Variants in XIRP2 observed in about 807,000 individuals in gnomAD.
XIRP2 encodes xin actin binding repeat containing 2.
A neutral mutation model predicts 277.0 loss-of-function variants in XIRP2; 236 were observed. The ratio of observed to expected loss-of-function variants is 0.85; its 90% CI spans 0.77 to 0.95. The LOEUF is 0.95. Ranked by LOEUF, XIRP2 falls within the 40% of genes least tolerant of loss-of-function variation. The pLI, the probability that XIRP2 is intolerant of heterozygous loss-of-function variation, is 0.00. For synonymous variants in XIRP2, 1,490 were observed against 1,416.5 expected, an observed-to-expected ratio of 1.05 and a Z score of -1.17; for missense variants, 4,640 against 4,157.5, an observed-to-expected ratio of 1.12 and a Z score of -3.19.
At chr2:167,073,976 TAAC>T (rs1372735540) in intron 2 of XIRP2, among the ~76,000 whole-genome samples, 2 of 152,182 alleles carry the variant, frequency 1.3e-5, no homozygotes, top group Non-Finnish European at 2.9e-5. Flanking sequence ...GCCATTTAGT[TAAC>T]AACATCATTC....
In XIRP2 at chr2:166,983,708, A is replaced by G. The variant is rs191532938; in HGVS notation, c.408+79818A>G. Among the ~76,000 whole-genome samples the G allele has an allele frequency of 6.6e-5, 10 of 152,292 alleles. 1 individual carries two copies. In the East Asian group the frequency reaches 1.7e-3, roughly 26 times the overall value. On this transcript the variant is annotated intron_variant, in intron 2 of 10. Transcript: ENST00000409195. ...TCTAAATTCTGTCTTTTCTATGGAG[A>G]AGTTTGGTAATTGTCCCAAGACAAA... is the stretch of plus-strand genomic sequence containing the variant.
At chr2:167,042,978 C>G (rs1371253301) in intron 2 of XIRP2, among the ~76,000 whole-genome samples, 9 of 151,982 alleles carry the variant, frequency 5.9e-5, no homozygotes, top group Non-Finnish European at 1.3e-4. Context: ...ATCATATGAC[C>G]CACATTCTCT....
chr2:167,140,842 C>A (rs1691697818), intron 3 of XIRP2: 1 of 152,140 alleles, frequency 6.6e-6, no homozygotes, highest in Admixed American at 6.6e-5. Flanking sequence ...GATCCACCTG[C>A]AGATTTTTGA....
At chr2:166,900,628 G>A (rs1416100224) in intron 1 of XIRP2, among the ~76,000 whole-genome samples, 2 of 152,008 alleles carry the variant, frequency 1.3e-5, no homozygotes, top group Admixed American at 1.3e-4. Context: ...CCCTGAAGAA[G>A]GGTGTTCAAT....
intron 2 of XIRP2, among the ~76,000 whole-genome samples, chr2:167,028,293 G>A (rs1182829706): frequency 2.0e-5 from 3 of 151,982 alleles, no homozygotes. Context: ...TAGTATGTAT[G>A]GTTATAATCA....
chr2:166,997,070 C>T (rs1033075024), intron 2 of XIRP2, among the ~76,000 whole-genome samples: 36 of 152,102 alleles, frequency 2.4e-4, no homozygotes, highest in Admixed American at 2.4e-3. Flanking sequence ...TGAAGGAGGA[C>T]GTCTACTGGA....
Position 167,244,125 on chromosome 2 carries a change from TC to T in XIRP2, c.2734del (p.Gln912LysfsTer24), listed in dbSNP as rs1695168233. On this transcript the variant is annotated frameshift_variant, in exon 9 of 11. Transcript: ENST00000409195. LOFTEE classifies it high-confidence loss of function. ...SEEEKGDVRH[Q>X]KWIFETQPLE... is the part of the protein sequence containing the mutation. Reference sequence around the variant, plus strand: ...AAGAAGAAAAAGGGGATGTTAGGCATCAAAAATGGATTTTTGAAACCCAACC... The same window carrying T: ...AAGAAGAAAAAGGGGATGTTAGGCATAAAAATGGATTTTTGAAACCCAACC... 2 of 1,613,862 alleles carry T rather than the reference TC, an allele frequency of 1.2e-6. No individual in the cohort carries two copies. Among genetic ancestry groups the T allele is most frequent in the East Asian group, 4.5e-5 (2 of 44,822 alleles).
At chr2:167,122,861 A>G (rs1171944045) in intron 2 of XIRP2, among the ~76,000 whole-genome samples, 1 of 152,156 alleles carries the variant, frequency 6.6e-6, no homozygotes, top group Non-Finnish European at 1.5e-5. Flanking sequence ...TGTGTTTTCC[A>G]TTCCTAGTTT....
At chr2:167,045,859 T>A (rs1019316508) in intron 2 of XIRP2, among the ~76,000 whole-genome samples, 1 of 152,082 alleles carries the variant, frequency 6.6e-6, no homozygotes, top group Non-Finnish European at 1.5e-5. Flanking sequence ...GAATTATCAT[T>A]CAACCCAACA....
intron 4 of XIRP2, among the ~76,000 whole-genome samples, chr2:167,211,686 T>G (rs1335641058): frequency 6.6e-6 from 1 of 152,204 alleles, no homozygotes; most frequent in Non-Finnish European, 1.5e-5. Context: ...TTTCTTTGGC[T>G]TTTCTCGTTT....
At chr2:166,986,787 G>A (rs1299513261) in intron 2 of XIRP2, among the ~76,000 whole-genome samples, 3 of 152,150 alleles carry the variant, frequency 2.0e-5, no homozygotes, top group East Asian at 1.9e-4. Flanking sequence ...TAAAACAAAC[G>A]TTTAGATAAA....
rs760379978 is a variant in XIRP2 at position 167,250,092 on chromosome 2, A to AGTCAAG, written c.8702_8707dup (p.Val2901_Lys2902dup). 2 of 1,613,548 alleles carry AGTCAAG rather than the reference A, an allele frequency of 1.2e-6. No individual in the cohort carries two copies. The highest frequency in any genetic ancestry group is 8.5e-7 in the Non-Finnish European group (1 of 1,179,674). On this transcript the variant is annotated inframe_insertion, in exon 9 of 11. Transcript: ENST00000409195. ...GTCTGCAGGAAGAAAAATGTCTCGA[A>AGTCAAG]GTCAAGGGCATACAAGAGAAACAAG...
chr2:167,059,188 C>A (rs866643640), intron 2 of XIRP2, among the ~76,000 whole-genome samples: 6 of 145,052 alleles, frequency 4.1e-5, no homozygotes, highest in Non-Finnish European at 7.5e-5. Context: ...CTCACTGCAA[C>A]CTCCGACTAC....
chr2:167,226,096 G>T (rs1333407046), intron 5 of XIRP2, among the ~76,000 whole-genome samples: 1 of 152,140 alleles, frequency 6.6e-6, no homozygotes, highest in Non-Finnish European at 1.5e-5. Flanking sequence ...CAGCAAATCA[G>T]CTTTGCTCTA....
At chr2:166,937,251 T>C (rs1042290208) in intron 2 of XIRP2, among the ~76,000 whole-genome samples, 1 of 152,200 alleles carries the variant, frequency 6.6e-6, no homozygotes, top group Non-Finnish European at 1.5e-5. Flanking sequence ...CTTATTATTT[T>C]GAGATACGTC....
Position 167,209,968 on chromosome 2 carries a change from A to G in XIRP2, c.563-767A>G, listed in dbSNP as rs1693973855. Among the ~76,000 whole-genome samples the G allele has an allele frequency of 4.6e-5, 7 of 152,250 alleles. 1 individual carries two copies. In the South Asian group the frequency reaches 1.5e-3, roughly 32 times the overall value. On this transcript the variant is annotated intron_variant, in intron 3 of 10. Coordinates refer to ENST00000409195, the MANE Select transcript of XIRP2 (RefSeq NM_152381.6). ...ACTGCTATTCTGTGATTGTGCAATC[A>G]GTCTTTAACACTACTTCCAGATATG...
intron 2 of XIRP2, among the ~76,000 whole-genome samples, chr2:166,982,904 C>T (rs1474593953): frequency 6.6e-6 from 1 of 152,130 alleles, no homozygotes; most frequent in African/African-American, 2.4e-5. Flanking sequence ...ACAGAGATTA[C>T]AACTCTCCCT....
intron 2 of XIRP2, among the ~76,000 whole-genome samples, chr2:167,025,029 G>C (rs1312294825): frequency 2.6e-5 from 4 of 152,162 alleles, no homozygotes; most frequent in Admixed American, 6.5e-5. Context: ...AGAAGGAATG[G>C]TACCAGTTCC....
At chr2:167,109,367 G>T (rs68091366) in intron 2 of XIRP2, among the ~76,000 whole-genome samples, 27,987 of 151,936 alleles carry the variant, frequency 0.18, 3,347 homozygotes, top group African/African-American at 0.33. Flanking sequence ...TGCAACCTCT[G>T]CCTCCAGGGT....
Sources: gnomAD v4.1 joint callset for allele counts (sites outside exome capture counted in the v4.1 genomes callset) on GRCh38, gnomAD v4.1.1 for gene constraint, MANE v1.5 for transcripts, NCBI Gene and HGNC (gene_info 2026-07-23, HGNC 2026-07-21) for gene names.